The following KCNN2 variants were observed in gnomAD, a reference collection of about 807,000 sequenced individuals.
The protein encoded by KCNN2 is potassium calcium-activated channel subfamily N member 2, also known as small conductance calcium-activated potassium channel protein 2.
In KCNN2, 24 loss-of-function variants were observed where a neutral mutation model predicts 55.5. That is an observed-to-expected ratio of 0.43 (90% CI 0.31 to 0.61). The LOEUF (loss-of-function observed/expected upper bound fraction) is 0.61, where lower values mean the gene tolerates loss of function less well. Among genes scored for constraint, KCNN2 ranks in the 20% least tolerant of loss-of-function variants. The pLI is 0.08. For synonymous variants in KCNN2, 431 were observed against 336.1 expected (o/e 1.28, Z -3.09); for missense variants, 754 against 853.6 (o/e 0.88, Z 1.45).
intron 3 of KCNN2, among the ~76,000 whole-genome samples, chr5:114,435,004 G>GGAAA (rs1759953185): frequency 2.0e-5 from 3 of 152,162 alleles, no homozygotes; most frequent in Non-Finnish European, 2.9e-5. Context: ...CATTTTCTCT[G>GGAAA]CTGGAAGCAG....
At chr5:114,273,558 A>C in intron 2 of KCNN2, among the ~76,000 whole-genome samples, 1 of 152,172 alleles carries the variant, frequency 6.6e-6, no homozygotes, top group East Asian at 1.9e-4. Context: ...AACTGGCATG[A>C]GATGGTACCT....
chr5:114,105,875 T>G (rs539812934), intron 1 of KCNN2, among the ~76,000 whole-genome samples: 1 of 152,118 alleles, frequency 6.6e-6, no homozygotes, highest in Non-Finnish European at 1.5e-5. Context: ...GTAATTTCCA[T>G]CAATATTATC....
intron 2 of KCNN2, among the ~76,000 whole-genome samples, chr5:114,305,186 G>T (rs1328900773): frequency 6.6e-6 from 1 of 152,150 alleles, no homozygotes; most frequent in Non-Finnish European, 1.5e-5. Context: ...AGGGGCAGGG[G>T]GTAGTCTCCT....
At position 114,108,178 on chromosome 5, in the gene KCNN2, C is replaced by G. The variant is rs188242315; in HGVS notation, c.-271+51678C>G. On this transcript the variant is annotated intron_variant, in intron 1 of 10. Transcript: ENST00000512097. ...GACCTTCTTATTTCATGTGTAATGA[C>G]AAGAAAAAAGTTCGAAGGGAAGGAT... Among the ~76,000 whole-genome samples, 90 of 151,796 alleles carry G rather than the reference C, an allele frequency of 5.9e-4. 1 individual carries two copies. Among genetic ancestry groups the G allele is most frequent in the African/African-American group, 1.9e-3 (78 of 41,444 alleles).
chr5:114,439,977 C>T (rs1760148421), intron 3 of KCNN2, among the ~76,000 whole-genome samples: 1 of 152,098 alleles, frequency 6.6e-6, no homozygotes, highest in African/African-American at 2.4e-5. Flanking sequence ...ATGGTGGAAG[C>T]AAACACTAAT....
intron 2 of KCNN2, among the ~76,000 whole-genome samples, chr5:114,390,367 A>T (rs934641963): frequency 2.0e-5 from 3 of 152,136 alleles, no homozygotes; most frequent in Non-Finnish European, 4.4e-5. Flanking sequence ...GGAACTTTGA[A>T]TTTCTCATTT....
chr5:114,254,943 C>G (rs903512489), intron 2 of KCNN2, among the ~76,000 whole-genome samples: 2 of 151,952 alleles, frequency 1.3e-5, no homozygotes, highest in African/African-American at 4.8e-5. Context: ...CTTAAGTAAT[C>G]TGATTAATTT....
At chr5:114,354,518 T>C (rs1757264996) in intron 2 of KCNN2, among the ~76,000 whole-genome samples, 1 of 152,072 alleles carries the variant, frequency 6.6e-6, no homozygotes, top group Admixed American at 6.6e-5. Flanking sequence ...ATTAAGCCAA[T>C]ACATATGAAG....
At chr5:114,367,160 G>A (rs932908986) in intron 2 of KCNN2, among the ~76,000 whole-genome samples, 1 of 152,172 alleles carries the variant, frequency 6.6e-6, no homozygotes, top group African/African-American at 2.4e-5. Context: ...AAACAAGATG[G>A]TTCAGGTGAG....
intron 1 of KCNN2, among the ~76,000 whole-genome samples, chr5:114,196,166 T>C (rs1170187408): frequency 6.6e-6 from 1 of 152,018 alleles, no homozygotes; most frequent in Non-Finnish European, 1.5e-5. Flanking sequence ...TATATTACAT[T>C]AATTGACTTC....
chr5:114,377,882 A>T (rs981016767), intron 2 of KCNN2, among the ~76,000 whole-genome samples: 2 of 152,218 alleles, frequency 1.3e-5, no homozygotes, highest in African/African-American at 4.8e-5. Context: ...TAAATGCTCA[A>T]TAAGTCTTAA....
chr5:114,101,896 G>A (rs897316711), intron 1 of KCNN2, among the ~76,000 whole-genome samples: 1 of 152,140 alleles, frequency 6.6e-6, no homozygotes, highest in African/African-American at 2.4e-5. Context: ...ATAAAGATAC[G>A]TGTGCATGTG....
At chr5:114,394,427 C>T (rs1758555792) in intron 2 of KCNN2, among the ~76,000 whole-genome samples, 1 of 152,086 alleles carries the variant, frequency 6.6e-6, no homozygotes, top group Non-Finnish European at 1.5e-5. Context: ...ATGGTTTGGT[C>T]CTTGTCTTTT....
At chr5:114,254,909 G>C (rs1754951467) in intron 2 of KCNN2, among the ~76,000 whole-genome samples, 3 of 151,856 alleles carry the variant, frequency 2.0e-5, no homozygotes, top group African/African-American at 7.3e-5. Flanking sequence ...ATGATCTGAG[G>C]CTTGTATTTA....
At chr5:114,216,374 CTT>C (rs1754001433) in intron 1 of KCNN2, among the ~76,000 whole-genome samples, 1 of 152,098 alleles carries the variant, frequency 6.6e-6, no homozygotes, top group African/African-American at 2.4e-5. Context: ...GTTGTTAACA[CTT>C]TGGGAAAATG....
intron 3 of KCNN2, among the ~76,000 whole-genome samples, chr5:114,439,956 C>A (rs939173353): frequency 6.6e-6 from 1 of 152,128 alleles, no homozygotes; most frequent in Non-Finnish European, 1.5e-5. Context: ...GTGGGTAACA[C>A]CTTGAATTGC....
chr5:114,098,825 G>T (rs926497396), intron 1 of KCNN2, among the ~76,000 whole-genome samples: 27 of 152,030 alleles, frequency 1.8e-4, no homozygotes, highest in African/African-American at 6.5e-4. Flanking sequence ...ATTTATGGGG[G>T]TACCAGTGGC....
chr5:114,161,095 A>G (rs1272166910), intron 1 of KCNN2, among the ~76,000 whole-genome samples: 1 of 152,140 alleles, frequency 6.6e-6, no homozygotes, highest in African/African-American at 2.4e-5. Flanking sequence ...GTTTCTTCCT[A>G]GCCTTGATGG....
intron 1 of KCNN2, among the ~76,000 whole-genome samples, chr5:114,129,640 T>C (rs899994351): frequency 1.3e-5 from 2 of 152,172 alleles, no homozygotes; most frequent in East Asian, 1.9e-4. Flanking sequence ...TCCTCCGGTA[T>C]TGGGAACAGG....
Sources: allele counts gnomAD v4.1 joint callset (sites outside exome capture counted in the v4.1 genomes callset), GRCh38; gene constraint gnomAD v4.1.1; transcripts MANE v1.5; gene names NCBI Gene and HGNC (gene_info 2026-07-23, HGNC 2026-07-21).